Variants in MICAL3 observed in about 807,000 individuals in gnomAD.
MICAL3 encodes microtubule associated monooxygenase, calponin and LIM domain containing 3.
In MICAL3, 62 loss-of-function variants were observed where a neutral mutation model predicts 207.4. The ratio of observed to expected loss-of-function variants is 0.30; its 90% CI spans 0.24 to 0.37. MICAL3 has a LOEUF of 0.37. Among genes scored for constraint, MICAL3 ranks in the 10% least tolerant of loss-of-function variants. MICAL3 has a pLI of 1.00. For synonymous variants in MICAL3, 1,077 were observed against 1,069.3 expected (o/e 1.01, Z -0.14); for missense variants, 2,368 against 2,635.6 (o/e 0.90, Z 2.22).
intron 1 of MICAL3, among the ~76,000 whole-genome samples, chr22:18,008,867 G>A (rs1402415705): frequency 1.3e-5 from 2 of 151,480 alleles, no homozygotes; most frequent in African/African-American, 4.9e-5. Flanking sequence ...GAGCTGAGGA[G>A]TTTGAGGCTG....
At chr22:17,871,445 T>C (rs1273224162) in intron 17 of MICAL3, among the ~76,000 whole-genome samples, 1 of 152,214 alleles carries the variant, frequency 6.6e-6, no homozygotes, top group Admixed American at 6.5e-5. Context: ...CAGCTCCAAC[T>C]TGCTGTCATC....
At chr22:17,957,062 C>T (rs1250689312) in intron 1 of MICAL3, among the ~76,000 whole-genome samples, 1 of 152,176 alleles carries the variant, frequency 6.6e-6, no homozygotes, top group Non-Finnish European at 1.5e-5. Context: ...TACATTTCCT[C>T]CCTTTGGTGT....
At chr22:17,847,779 G>A (rs536383722) in intron 19 of MICAL3, among the ~76,000 whole-genome samples, 1 of 152,146 alleles carries the variant, frequency 6.6e-6, no homozygotes, top group African/African-American at 2.4e-5. Context: ...GGGTATTTTC[G>A]CTGTGACTCT....
intron 29 of MICAL3, among the ~76,000 whole-genome samples, chr22:17,808,335 C>T (rs1480454855): frequency 6.6e-6 from 1 of 152,200 alleles, no homozygotes; most frequent in African/African-American, 2.4e-5. Context: ...GACACAGGGC[C>T]TGGGTGCCCT....
chr22:17,803,807 A>G (rs994235728), intron 29 of MICAL3: 112 of 985,582 alleles, frequency 1.1e-4, no homozygotes, highest in Non-Finnish European at 1.3e-4. Flanking sequence ...GCTGCCATAC[A>G]TACCACCCAG....
chr22:17,973,380 G>C (rs1360100603), intron 1 of MICAL3, among the ~76,000 whole-genome samples: 1 of 152,174 alleles, frequency 6.6e-6, no homozygotes, highest in East Asian at 1.9e-4. Context: ...ACTTCTGTAG[G>C]GTATGTAACT....
chr22:17,943,000 TAC>T (rs971352153), intron 1 of MICAL3, among the ~76,000 whole-genome samples: 1 of 152,290 alleles, frequency 6.6e-6, no homozygotes, highest in South Asian at 2.1e-4. Flanking sequence ...GCTACAGAAC[TAC>T]AGTTCACCTC....
chr22:17,874,597 AAG>A (rs1465849464), intron 16 of MICAL3, among the ~76,000 whole-genome samples: 1 of 152,246 alleles, frequency 6.6e-6, no homozygotes, highest in Non-Finnish European at 1.5e-5. Context: ...GCATCCCTGC[AAG>A]AGAGGTGAAG....
chr22:17,815,460 C>G (rs1176048432), intron 27 of MICAL3: 1 of 152,284 alleles, frequency 6.6e-6, no homozygotes, highest in Non-Finnish European at 1.5e-5. Context: ...GCACCCATCA[C>G]CAGTATTGGG....
chr22:17,799,554 T>C (rs901769456), intron 29 of MICAL3, among the ~76,000 whole-genome samples: 18 of 152,230 alleles, frequency 1.2e-4, no homozygotes, highest in African/African-American at 4.1e-4. Flanking sequence ...CACTCGGCTA[T>C]TCTGAGTCCC....
intron 27 of MICAL3, 69 bp from the exon 28 acceptor site, chr22:17,810,882 CA>C (rs1326139057): frequency 4.7e-6 from 6 of 1,284,916 alleles, no homozygotes; most frequent in Non-Finnish European, 6.8e-6. Context: ...GGCAGCAGGC[CA>C]ACAGGGGCCT....
intron 19 of MICAL3, among the ~76,000 whole-genome samples, chr22:17,847,034 GCTTT>G (rs1036841836): frequency 1.3e-5 from 2 of 152,304 alleles, no homozygotes; most frequent in South Asian, 4.1e-4. Flanking sequence ...CTGGCAGGGG[GCTTT>G]ATTTGCTTCC....
At chr22:17,996,049 C>T (rs1458181379) in intron 1 of MICAL3, among the ~76,000 whole-genome samples, 1 of 149,410 alleles carries the variant, frequency 6.7e-6, no homozygotes, top group East Asian at 2.0e-4. Flanking sequence ...GTAGTCTCAA[C>T]TACTCAGGCA....
intron 1 of MICAL3, among the ~76,000 whole-genome samples, chr22:17,950,339 T>G (rs1173330702): frequency 9.8e-6 from 1 of 101,846 alleles, no homozygotes; most frequent in Non-Finnish European, 2.0e-5. Context: ...TTGTTTTTGT[T>G]TTTTTTTTTT....
chr22:17,834,066 A>G (rs1292120919), intron 20 of MICAL3, among the ~76,000 whole-genome samples: 3 of 151,920 alleles, frequency 2.0e-5, no homozygotes, highest in Non-Finnish European at 2.9e-5. Flanking sequence ...ATTCTGGGAG[A>G]CTCCGGAATT....
At chr22:17,816,364 TC>T (rs1921004854) in intron 27 of MICAL3, among the ~76,000 whole-genome samples, 1 of 152,104 alleles carries the variant, frequency 6.6e-6, no homozygotes, top group Non-Finnish European at 1.5e-5. Context: ...GGTGGGCTGC[TC>T]CCCGCGGGAT....
At chr22:17,830,760 A>G (rs2146040627) in intron 21 of MICAL3, among the ~76,000 whole-genome samples, 1 of 152,324 alleles carries the variant, frequency 6.6e-6, no homozygotes, top group Admixed American at 6.5e-5. Context: ...GGAAGAGTAG[A>G]GAACTGGGAG....
intron 19 of MICAL3, 145 bp downstream of exon 19, chr22:17,864,754 A>G (rs775523589): frequency 6.5e-5 from 105 of 1,613,840 alleles, no homozygotes; most frequent in Non-Finnish European, 8.1e-5. Context: ...CAGCTGGCAC[A>G]TGAAAAAGGA....
intron 17 of MICAL3, among the ~76,000 whole-genome samples, chr22:17,867,224 G>C (rs1253373014): frequency 6.8e-6 from 1 of 146,070 alleles, no homozygotes; most frequent in Non-Finnish European, 1.5e-5. Context: ...ATAATGCCTA[G>C]TATACTTTCT....
Sources: gnomAD v4.1 joint callset for allele counts (sites outside exome capture counted in the v4.1 genomes callset) on GRCh38, gnomAD v4.1.1 for gene constraint, MANE v1.5 for transcripts, NCBI Gene and HGNC (gene_info 2026-07-23, HGNC 2026-07-21) for gene names.